CEMIP: variants seen among roughly 807,000 people sequenced by gnomAD.
The protein encoded by CEMIP is cell migration-inducing and hyaluronan-binding protein.
CEMIP carries 105 observed loss-of-function variants against 156.9 expected under a neutral mutation model. That is an observed-to-expected ratio of 0.67 (90% CI 0.57 to 0.79). The LOEUF is 0.79. Ranked by LOEUF, CEMIP falls within the 30% of genes least tolerant of loss-of-function variation. CEMIP has a pLI of 0.00. For missense variants in CEMIP, 1,457 were observed against 1,769.4 expected (o/e 0.82, Z 3.17); for synonymous variants, 676 against 668.4 (o/e 1.01, Z -0.17).
At chr15:80,883,256 CTT>C (rs1428656187) in intron 6 of CEMIP, among the ~76,000 whole-genome samples, 1 of 152,070 alleles carries the variant, frequency 6.6e-6, no homozygotes, top group Non-Finnish European at 1.5e-5. Flanking sequence ...AAAATTGTGT[CTT>C]TGCTTTGTAA....
intron 14 of CEMIP, among the ~76,000 whole-genome samples, chr15:80,912,978 T>C (rs1341453335): frequency 1.3e-5 from 2 of 152,084 alleles, no homozygotes; most frequent in Non-Finnish European, 2.9e-5. Flanking sequence ...ATCCCTGATC[T>C]GAAGGAGGAA....
At position 80,945,316 on chromosome 15, in the gene CEMIP, C is replaced by T. The variant is rs537599619; in HGVS notation, c.3858-1649C>T. On this transcript the variant is annotated intron_variant, in intron 28 of 29. Coordinates refer to ENST00000394685, the MANE Select transcript of CEMIP (RefSeq NM_001293298.2). ...GGGTGGGGACACAAGAAGCCCATCTCTCTGTCCCGCTCCTGTGAGCTAACT... is the reference window on the plus strand; with the variant it reads ...GGGTGGGGACACAAGAAGCCCATCTTTCTGTCCCGCTCCTGTGAGCTAACT... Among the ~76,000 whole-genome samples, 11 of 152,350 alleles carry T rather than the reference C, an allele frequency of 7.2e-5. No individual in the cohort carries two copies. The South Asian group carries it at 2.3e-3, about 32-fold the overall frequency.
intron 10 of CEMIP, among the ~76,000 whole-genome samples, chr15:80,891,811 G>A (rs1488008766): frequency 1.3e-5 from 2 of 152,188 alleles, no homozygotes; most frequent in African/African-American, 4.8e-5. Flanking sequence ...GACTTAGCTA[G>A]AGCATCTCTT....
intron 1 of CEMIP, among the ~76,000 whole-genome samples, chr15:80,789,403 G>A (rs1896024131): frequency 6.6e-6 from 1 of 152,152 alleles, no homozygotes; most frequent in South Asian, 2.1e-4. Flanking sequence ...GTAGTAGAAT[G>A]TTTTGCAAAT....
At chr15:80,872,960 C>A (rs1338535462) in intron 1 of CEMIP, among the ~76,000 whole-genome samples, 1 of 152,198 alleles carries the variant, frequency 6.6e-6, no homozygotes, top group Non-Finnish European at 1.5e-5. Flanking sequence ...GCATGCATGG[C>A]TCCTACTATA....
chr15:80,832,362 A>T (rs1478383155), intron 1 of CEMIP, among the ~76,000 whole-genome samples: 4 of 52,602 alleles, frequency 7.6e-5, no homozygotes, highest in East Asian at 5.8e-4. Context: ...GTGTGTGTGT[A>T]AGAGAAACAG....
In CEMIP at chr15:80,942,125, G is replaced by A. The variant is rs563213000; in HGVS notation, c.3612+72G>A. 4.7e-5 allele frequency: 72 copies of A among 1,532,608 alleles called. No individual in the cohort carries two copies. The South Asian group carries it at 6.4e-4, about 14-fold the overall frequency. 94.9% of individuals were successfully genotyped at this position (1,532,608 alleles called of 1,614,324 possible). On this transcript the variant is annotated intron_variant, in intron 26 of 29. Coordinates refer to ENST00000394685, the MANE Select transcript of CEMIP (RefSeq NM_001293298.2). ...GCCTAGAGCCCTTTGCCGTCCAGTCGGGCCCAGACCCAATTAGGTCCCTCA... is the reference window on the plus strand; with the variant it reads ...GCCTAGAGCCCTTTGCCGTCCAGTCAGGCCCAGACCCAATTAGGTCCCTCA...
At position 80,916,435 on chromosome 15, in the gene CEMIP, G is replaced by A. The variant is rs149221296; in HGVS notation, c.1798-3659G>A. 1.1e-3 allele frequency among the ~76,000 whole-genome samples: 169 copies of A among 152,314 alleles called. 1 individual carries two copies. The highest frequency in any genetic ancestry group is 0.01 in the Middle Eastern group (3 of 294). On this transcript the variant is annotated intron_variant, in intron 14 of 29. Coordinates refer to ENST00000394685, the MANE Select transcript of CEMIP (RefSeq NM_001293298.2). ...CCATCAGCAGGAAGGAAGATATCCA[G>A]AAGGACAAAGAGAAAAATACAATTT...
intron 1 of CEMIP, among the ~76,000 whole-genome samples, chr15:80,822,276 A>C (rs74599008): frequency 6.6e-6 from 1 of 152,206 alleles, no homozygotes; most frequent in Non-Finnish European, 1.5e-5. Context: ...GACTGAATGC[A>C]TGAGCCTCCC....
chr15:80,815,732 A>G (rs1232926634), intron 1 of CEMIP, among the ~76,000 whole-genome samples: 1 of 152,232 alleles, frequency 6.6e-6, no homozygotes, highest in Admixed American at 6.5e-5. Flanking sequence ...TTAATGAGAT[A>G]TTATTTGGAA....
rs144822698 is a variant in CEMIP at position 80,842,169 on chromosome 15, T to A, written c.-175-31369T>A. On this transcript the variant is annotated intron_variant, in intron 1 of 29. Transcript: ENST00000394685. ...GTACCATTTGTACGTGTATTATATA[T>A]GTATTTCCTTTTCATCTTTTACCTA... 1.6e-4 allele frequency: 77 copies of A among 467,266 alleles called. No individual in the cohort carries two copies. The East Asian group carries it at 4.6e-3, about 28-fold the overall frequency. The allele number at this position is 467,266 out of a possible 1,614,324, so 28.9% of individuals were successfully genotyped here. A position where few individuals can be genotyped will look rare whatever the true frequency, so the allele number is the denominator to read the frequency against.
chr15:80,788,804 G>T (rs893138641), intron 1 of CEMIP, among the ~76,000 whole-genome samples: 2 of 151,766 alleles, frequency 1.3e-5, no homozygotes, highest in African/African-American at 4.8e-5. Flanking sequence ...TCTCTCTTCC[G>T]CTCCAACTGG....
Position 80,889,503 on chromosome 15 carries a change from A to G in CEMIP, c.997A>G (p.Lys333Glu), listed in dbSNP as rs1452942519. The G allele has an allele frequency of 3.1e-6, 5 of 1,614,066 alleles. No homozygotes were observed. Among genetic ancestry groups the G allele is most frequent in the Non-Finnish European group, 4.2e-6 (5 of 1,180,036 alleles). The change falls in exon 10 of 30, where the codon AAA becomes GAA. Residue 333 changes from lysine (K) to glutamate (E), a missense_variant. Physicochemically the swap from Lys to Glu is moderately conservative, Grantham distance 56 (BLOSUM62 1). Around this residue, in one of 5 missense-constraint regions of CEMIP, gnomAD observed 280 missense variants for 300.3 expected, o/e 0.93. Transcript: ENST00000394685. ...GTGGACGGAGTGGTTCGATCATGAT[A>G]AAGTATCTCAGACTAAAGGTGGGGA... ...VEWTEWFDHD[K>E]VSQTKGGEKI...
chr15:80,818,996 A>G (rs1387122211), intron 1 of CEMIP, among the ~76,000 whole-genome samples: 1 of 152,200 alleles, frequency 6.6e-6, no homozygotes, highest in Non-Finnish European at 1.5e-5. Flanking sequence ...ACAAAGGACC[A>G]GGTTATCTCT....
Position 80,880,984 on chromosome 15 carries a change from A to T in CEMIP, c.465A>T (p.Gly155=). 3 of 1,614,194 alleles carry T rather than the reference A, an allele frequency of 1.9e-6. No homozygotes were observed. The South Asian group carries it at 3.3e-5, about 18-fold the overall frequency. ...AAGGAGGCGCTCTTGAGTTGCATGG[A>T]CAGAAAAAGCTCTCCTGGACATTTC... ...VGKGGALELH[G]QKKLSWTFLN... Residue 155 remains glycine, a synonymous_variant, in exon 6 of 30, where the codon GGA becomes GGT. Coordinates refer to ENST00000394685, the MANE Select transcript of CEMIP (RefSeq NM_001293298.2).
rs190365565 is a variant in CEMIP, at chr15:80,866,550, C to T, written c.-175-6988C>T. On this transcript the variant is annotated intron_variant, in intron 1 of 29. Coordinates refer to ENST00000394685, the MANE Select transcript of CEMIP (RefSeq NM_001293298.2). ...AGGTTGCAGTGAGCTGAGATGGCGC[C>T]ACTGCCCTCCAGCCTAGGTGACAGA... Among the ~76,000 whole-genome samples, 813 of 151,598 alleles carry T rather than the reference C, an allele frequency of 5.4e-3. 5 individuals carry two copies. Among genetic ancestry groups the T allele is most frequent in the Middle Eastern group, 0.017 (5 of 294 alleles).
chr15:80,900,449 C>A (rs2141871745), intron 12 of CEMIP, among the ~76,000 whole-genome samples: 1 of 152,230 alleles, frequency 6.6e-6, no homozygotes, highest in South Asian at 2.1e-4. Context: ...TCCGCGTTAG[C>A]CCCACCCCAG....
chr15:80,909,746 G>C (rs1262753739), intron 14 of CEMIP: 3 of 413,666 alleles, frequency 7.3e-6, no homozygotes, highest in African/African-American at 2.1e-5. Context: ...TTCCTTCAGA[G>C]CAAGTGCTGC....
chr15:80,921,934 G>A, intron 16 of CEMIP, 75 bp from the exon 17 acceptor site: 1 of 1,603,856 alleles, frequency 6.2e-7, no homozygotes, highest in Non-Finnish European at 8.5e-7. Context: ...TCCGGCGTGG[G>A]CCGCGTGGCC....
Sources: gnomAD v4.1 joint callset for allele counts (sites outside exome capture counted in the v4.1 genomes callset) on GRCh38, gnomAD v4.1.1 for gene constraint, gnomAD v4.1.1 regional missense constraint, MANE v1.5 for transcripts, NCBI Gene and HGNC (gene_info 2026-07-23, HGNC 2026-07-21) for gene names.